CNTNAP3: variants seen among roughly 807,000 people sequenced by gnomAD.
CNTNAP3 encodes the protein contactin associated protein family member 3.
Under a neutral mutation model 92.1 loss-of-function variants are expected in CNTNAP3, and 36 were observed. The ratio of observed to expected loss-of-function variants is 0.39; its 90% CI spans 0.30 to 0.52. CNTNAP3 has a LOEUF of 0.52. Among genes scored for constraint, CNTNAP3 ranks in the 20% least tolerant of loss-of-function variants. CNTNAP3 has a pLI of 0.76. For synonymous variants in CNTNAP3, 232 were observed against 422.3 expected (o/e 0.55, Z 5.53); for missense variants, 534 against 1,069.6 (o/e 0.50, Z 6.98).
At chr9:39,109,886 T>C (rs933771802) in intron 14 of CNTNAP3, among the ~76,000 whole-genome samples, 5 of 152,316 alleles carry the variant, frequency 3.3e-5, no homozygotes, top group African/African-American at 1.2e-4. Flanking sequence ...ATAAAAATAG[T>C]AACACTGGAT....
At chr9:39,093,050 T>C (rs941533822) in intron 18 of CNTNAP3, among the ~76,000 whole-genome samples, 2 of 143,060 alleles carry the variant, frequency 1.4e-5, no homozygotes, top group African/African-American at 5.1e-5. Context: ...GGTTACTCTT[T>C]GCATGGTACA....
At position 39,097,678 on chromosome 9, in the gene CNTNAP3, G is replaced by A. The variant is rs142831382; in HGVS notation, c.2995+2233C>T. On this transcript the variant is annotated intron_variant, in intron 18 of 23. Coordinates refer to ENST00000297668, the MANE Select transcript of CNTNAP3 (RefSeq NM_033655.5). ...TGCAGTATCTCTGGAGTAGGACCTG[G>A]GTAGAGAGGAAACCTCTGGCTTCTT... is the stretch of plus-strand genomic sequence containing the variant. Among the ~76,000 whole-genome samples the A allele has an allele frequency of 1.8e-3, 266 of 148,842 alleles. 1 individual carries two copies. The highest frequency in any genetic ancestry group is 6.2e-3 in the African/African-American group (253 of 40,622).
chr9:39,115,589 G>C (rs1281235107), intron 14 of CNTNAP3, among the ~76,000 whole-genome samples: 1 of 148,748 alleles, frequency 6.7e-6, no homozygotes, highest in East Asian at 2.0e-4. Flanking sequence ...TCTACTGGAA[G>C]CTGCAAAGTA....
chr9:39,142,401 G>A (rs2118100044), intron 11 of CNTNAP3, among the ~76,000 whole-genome samples: 1 of 152,214 alleles, frequency 6.6e-6, no homozygotes, highest in East Asian at 1.9e-4. Context: ...GGCTGGGCAT[G>A]GTGGCTCATG....
chr9:39,122,832 G>A (rs573970528), intron 13 of CNTNAP3, among the ~76,000 whole-genome samples: 2 of 152,104 alleles, frequency 1.3e-5, no homozygotes, highest in Non-Finnish European at 2.9e-5. Flanking sequence ...AGGGCTCTAT[G>A]TTGAAAAAGT....
rs144691316 is a variant in CNTNAP3 at position 39,109,202 on chromosome 9, C to T, written c.2323G>A (p.Glu775Lys). ...VMTDAGRPHS[E>K]AAYTLGPLLC... ...AGTGGCCCCAGTGTATAAGCTGCTT[C>T]GGAATGTGGTCGGCCTGCGTCTGTC... The change falls in exon 15 of 24, where the codon GAA (glutamate) becomes AAA (lysine). Residue 775 changes from glutamate (E) to lysine (K), a missense_variant. Physicochemically the swap from Glu to Lys is moderately conservative, Grantham distance 56 (BLOSUM62 1). Transcript: ENST00000297668. The T allele has an allele frequency of 2.5e-3, 4,038 of 1,612,986 alleles. 8 individuals are homozygous for T. Among genetic ancestry groups the T allele is most frequent in the Non-Finnish European group, 3.0e-3 (3,592 of 1,179,790 alleles).
At position 39,159,667 on chromosome 9, in the gene CNTNAP3, GATAGATAT is replaced by G. The variant is rs1363147896; in HGVS notation, c.1477+6258_1477+6265del. On this transcript the variant is annotated intron_variant, in intron 9 of 23. Transcript: ENST00000297668. ...AGATAGATAGATAGATAGATAGATA[GATAGATAT>G]ATGTAATCTTTTTCAGTATATTCTC... 3.6e-4 allele frequency: 51 copies of G among 140,054 alleles called. 5 individuals carry two copies. Among genetic ancestry groups the G allele is most frequent in the African/African-American group, 1.4e-3 (47 of 33,672 alleles). The allele number at this position is 140,054 out of a possible 1,614,324, so 8.7% of individuals were successfully genotyped here.
chr9:39,092,227 T>C (rs1468973865), intron 18 of CNTNAP3, among the ~76,000 whole-genome samples: 4 of 146,262 alleles, frequency 2.7e-5, no homozygotes, highest in Non-Finnish European at 6.1e-5. Context: ...TCTGTCACTT[T>C]TATATTATCC....
Position 39,072,519 on chromosome 9 carries a change from T to G in CNTNAP3, c.*1371A>C, listed in dbSNP as rs966304612. On this transcript the variant is annotated 3_prime_UTR_variant, in exon 24 of 24. Coordinates refer to ENST00000297668, the MANE Select transcript of CNTNAP3 (RefSeq NM_033655.5). The stretch of plus-strand genomic sequence containing the variant: ...CAATCCTTTGCTGTCTTAGTGTGTA[T>G]GTAAACCTTAATGAGACATGTTCCA... Among the ~76,000 whole-genome samples, 1 of 150,664 alleles carries G rather than the reference T, an allele frequency of 6.6e-6. No individual in the cohort carries two copies. Among genetic ancestry groups the G allele is most frequent in the Non-Finnish European group, 1.5e-5 (1 of 67,892 alleles).
intron 18 of CNTNAP3, 31 bp downstream of exon 18, chr9:39,099,880 T>C: frequency 6.2e-7 from 1 of 1,604,980 alleles, no homozygotes; most frequent in Non-Finnish European, 8.5e-7. Flanking sequence ...TCATGTACTT[T>C]CCCTATAACC....
intron 13 of CNTNAP3, among the ~76,000 whole-genome samples, chr9:39,132,616 C>T (rs1821319744): frequency 6.6e-6 from 1 of 152,132 alleles, no homozygotes; most frequent in African/African-American, 2.4e-5. Flanking sequence ...TAGACCCAGC[C>T]TGCCCTACAG....
At chr9:39,168,282 G>A (rs1306429357) in intron 8 of CNTNAP3, among the ~76,000 whole-genome samples, 1 of 150,416 alleles carries the variant, frequency 6.6e-6, no homozygotes, top group African/African-American at 2.4e-5. Context: ...CTCCCAAACT[G>A]CTGGGATTAC....
At chr9:39,119,517 A>C (rs529022029) in intron 13 of CNTNAP3, among the ~76,000 whole-genome samples, 1 of 152,176 alleles carries the variant, frequency 6.6e-6, no homozygotes, top group African/African-American at 2.4e-5. Context: ...CGACTTCACC[A>C]TTAAACTGTC....
intron 23 of CNTNAP3, among the ~76,000 whole-genome samples, chr9:39,078,016 G>A (rs1336266487): frequency 6.6e-6 from 1 of 152,160 alleles, no homozygotes; most frequent in Non-Finnish European, 1.5e-5. Context: ...AACCAGCACG[G>A]CCAATACGGA....
At chr9:39,170,449 G>A (rs1238899369) in intron 8 of CNTNAP3, among the ~76,000 whole-genome samples, 2 of 105,342 alleles carry the variant, frequency 1.9e-5, no homozygotes, top group Non-Finnish European at 3.4e-5. Flanking sequence ...CCCCCATTTA[G>A]TTCCGATGCC....
At chr9:39,076,611 A>C (rs1443243714) in intron 23 of CNTNAP3, among the ~76,000 whole-genome samples, 1 of 152,312 alleles carries the variant, frequency 6.6e-6, no homozygotes, top group Non-Finnish European at 1.5e-5. Context: ...TGAAGGAAAC[A>C]AACACAACTA....
chr9:39,146,486 G>A (rs1158850876), intron 10 of CNTNAP3, among the ~76,000 whole-genome samples: 18 of 152,092 alleles, frequency 1.2e-4, no homozygotes, highest in Non-Finnish European at 1.5e-4. Context: ...TCAGGAGATC[G>A]AGACCATCCT....
intron 13 of CNTNAP3, among the ~76,000 whole-genome samples, chr9:39,125,837 G>A (rs1398778050): frequency 1.3e-5 from 2 of 152,062 alleles, no homozygotes; most frequent in Non-Finnish European, 2.9e-5. Flanking sequence ...ATATTAGGGG[G>A]AAACTGATAG....
rs1482348352 is a variant in CNTNAP3 at position 39,092,795 on chromosome 9, T to C, written c.2996-4148A>G. ...TAATCTTCTGAGTAATTATCCTTTA[T>C]TGTAAGTGAAGTATTGAATCCTCCA... On this transcript the variant is annotated intron_variant, in intron 18 of 23. Transcript: ENST00000297668. 2.9e-5 allele frequency among the ~76,000 whole-genome samples: 4 copies of C among 138,462 alleles called. 2 individuals are homozygous for C. The highest frequency in any genetic ancestry group is 6.4e-5 in the Non-Finnish European group (4 of 62,976). The allele number at this position is 138,462 out of a possible 152,430, so 90.8% of individuals were successfully genotyped here.
Sources: gnomAD v4.1 joint callset for allele counts (sites outside exome capture counted in the v4.1 genomes callset) on GRCh38, gnomAD v4.1.1 for gene constraint, MANE v1.5 for transcripts, NCBI Gene and HGNC (gene_info 2026-07-23, HGNC 2026-07-21) for gene names.